Variants in AP4S1 observed in about 807,000 individuals in gnomAD.
The protein encoded by AP4S1 is adaptor related protein complex 4 subunit sigma 1, also known as AP-4 complex subunit sigma-1.
In AP4S1, 23 loss-of-function variants were observed where a neutral mutation model predicts 19.8. The observed-to-expected ratio is 1.16, with a 90% CI of 0.84 to 1.65. The LOEUF (loss-of-function observed/expected upper bound fraction) is 1.65, where lower values mean the gene tolerates loss of function less well. AP4S1 is among the 40% of genes most tolerant of loss of function. The pLI, the probability that AP4S1 is intolerant of heterozygous loss-of-function variation, is 0.00. For synonymous variants in AP4S1, 46 were observed against 54.1 expected (o/e 0.85, Z 0.66); for missense variants, 166 against 172.8 (o/e 0.96, Z 0.22).
chr14:31,025,577 C>T, upstream of AP4S1: 2 of 417,170 alleles, frequency 4.8e-6, no homozygotes, highest in South Asian at 4.8e-5. Flanking sequence ...GACTCTCCCA[C>T]AGAGAGGTGC....
chr14:31,072,812 C>T (rs1293717202), intron 3 of AP4S1, 93 bp from the exon 4 acceptor site: 6 of 1,018,934 alleles, frequency 5.9e-6, no homozygotes, highest in Non-Finnish European at 9.3e-6. Context: ...AAGCCACATG[C>T]TCTAAAACCT....
chr14:31,089,640 C>A (rs577350450), intron 5 of AP4S1, among the ~76,000 whole-genome samples: 1 of 152,176 alleles, frequency 6.6e-6, no homozygotes, highest in East Asian at 1.9e-4. Context: ...TGGGGCCAGG[C>A]GTGGTGGCTC....
chr14:31,037,323 GAGATGTTGTCTGT>G (rs1884841170), intron 1 of AP4S1, among the ~76,000 whole-genome samples: 1 of 152,028 alleles, frequency 6.6e-6, no homozygotes, highest in Admixed American at 6.6e-5. Context: ...GTTTTTGGTA[GAGATGTTGTCTGT>G]AGATGTTTTC....
intron 1 of AP4S1, among the ~76,000 whole-genome samples, chr14:31,065,383 C>T (rs747008202): frequency 6.6e-6 from 1 of 152,210 alleles, no homozygotes; most frequent in Non-Finnish European, 1.5e-5. Context: ...CCCTTCTGTA[C>T]ACCTATGGAA....
At chr14:31,073,195 A>G in intron 4 of AP4S1, 1 of 512,970 alleles carries the variant, frequency 1.9e-6, no homozygotes, top group Non-Finnish European at 3.5e-6. Context: ...GAAAAAAAAA[A>G]AAAAACCTCT....
In AP4S1 at chr14:31,073,256, T is replaced by C. The variant is rs185410290; in HGVS notation, c.294+283T>C. ...CTGTAATCCCAGCACTTTGGGAGGCTAAGGTGGGCAGATCACAAGGTCAGG... is the reference window on the plus strand; with the variant it reads ...CTGTAATCCCAGCACTTTGGGAGGCCAAGGTGGGCAGATCACAAGGTCAGG... On this transcript the variant is annotated intron_variant, in intron 4 of 5. Coordinates refer to ENST00000542754, the MANE Select transcript of AP4S1 (RefSeq NM_001128126.3). 64,653 of 349,042 alleles carry C rather than the reference T, an allele frequency of 0.19. 7,226 individuals carry two copies. The highest frequency in any genetic ancestry group is 0.3 in the South Asian group (11,671 of 39,354). The allele number at this position is 349,042 out of a possible 1,614,324, so 21.6% of individuals were successfully genotyped here. A position where few individuals can be genotyped will look rare whatever the true frequency, so the allele number is the denominator to read the frequency against.
chr14:31,035,887 G>T (rs1044839167), intron 1 of AP4S1, among the ~76,000 whole-genome samples: 11 of 151,892 alleles, frequency 7.2e-5, no homozygotes, highest in African/African-American at 2.4e-4. Context: ...CCCGCCACAA[G>T]GCCCGGCTAA....
At chr14:31,051,537 A>T (rs1025460265) in intron 1 of AP4S1, among the ~76,000 whole-genome samples, 1 of 152,200 alleles carries the variant, frequency 6.6e-6, no homozygotes, top group South Asian at 2.1e-4. Flanking sequence ...AAAAATCTTT[A>T]TCTATTTAGA....
intron 1 of AP4S1, among the ~76,000 whole-genome samples, chr14:31,030,495 A>T (rs1291068079): frequency 6.6e-6 from 1 of 152,140 alleles, no homozygotes; most frequent in Non-Finnish European, 1.5e-5. Context: ...TGTACACAAC[A>T]TCACTCCAGG....
intron 4 of AP4S1, among the ~76,000 whole-genome samples, chr14:31,073,551 GC>G: frequency 6.7e-6 from 1 of 150,172 alleles, no homozygotes; most frequent in East Asian, 1.9e-4. Context: ...TATCTGACTT[GC>G]CCCCTCTTTT....
chr14:31,096,065 T>C lies in AP4S1; in HGVS notation c.*3030T>C, dbSNP rs1242179003. On this transcript the variant is annotated 3_prime_UTR_variant, in exon 6 of 6. Transcript: ENST00000542754. ...GAGATTGTGCCACTGCACTCCAGCCTGGGCACAGAGTGAGATTCCGTCTCA... is the reference window on the plus strand; with the variant it reads ...GAGATTGTGCCACTGCACTCCAGCCCGGGCACAGAGTGAGATTCCGTCTCA... The C allele has an allele frequency of 8.1e-6, 1 of 123,176 alleles. No individual in the cohort carries two copies. Among genetic ancestry groups the C allele is most frequent in the Non-Finnish European group, 1.6e-5 (1 of 63,330 alleles). The allele number at this position is 123,176 out of a possible 1,614,324, so 7.6% of individuals were successfully genotyped here.
intron 1 of AP4S1, among the ~76,000 whole-genome samples, chr14:31,045,905 G>C (rs1241021006): frequency 1.3e-5 from 2 of 151,574 alleles, no homozygotes; most frequent in African/African-American, 4.8e-5. Flanking sequence ...GAGAGGATCA[G>C]AGAGTTGGAA....
chr14:31,044,361 A>T (rs568365194), intron 1 of AP4S1, among the ~76,000 whole-genome samples: 164 of 152,140 alleles, frequency 1.1e-3, no homozygotes, highest in African/African-American at 3.8e-3. Flanking sequence ...TTTTTTTTAA[A>T]GACAGAGTCT....
chr14:31,091,525 C>CTT (rs370922349), intron 5 of AP4S1, among the ~76,000 whole-genome samples: 3 of 141,636 alleles, frequency 2.1e-5, no homozygotes, highest in South Asian at 4.5e-4. Context: ...CAGAATAACG[C>CTT]TTTTTTTTTT....
intron 1 of AP4S1, among the ~76,000 whole-genome samples, chr14:31,063,419 G>T (rs542999309): frequency 6.6e-6 from 1 of 152,214 alleles, no homozygotes; most frequent in African/African-American, 2.4e-5. Flanking sequence ...GGGTGACAGA[G>T]TGAGACTCTG....
chr14:31,075,235 T>C (rs1836536908), intron 4 of AP4S1, among the ~76,000 whole-genome samples: 4 of 152,254 alleles, frequency 2.6e-5, no homozygotes, highest in Admixed American at 2.6e-4. Context: ...TCTATCTTCA[T>C]GATATCTACT....
In AP4S1 at chr14:31,025,664, G is replaced by A. The variant is rs1883806877; in HGVS notation, c.-195G>A. ...CAGACGCCATACTAAAAGCCAAAAT[G>A]GCTGCCCCGAGGAGGCCCGCACCGC... is the stretch of plus-strand genomic sequence containing the variant. On this transcript the variant is annotated 5_prime_UTR_variant, in exon 1 of 6. An upstream start codon of the reference 5' UTR is lost. Coordinates refer to ENST00000542754, the MANE Select transcript of AP4S1 (RefSeq NM_001128126.3). 8 of 613,076 alleles carry A rather than the reference G, an allele frequency of 1.3e-5. No homozygotes were observed. In the Admixed American group the frequency reaches 2.3e-4, roughly 18 times the overall value. 38.0% of individuals were successfully genotyped at this position (613,076 alleles called of 1,614,324 possible). A position where few individuals can be genotyped will look rare whatever the true frequency, so the allele number is the denominator to read the frequency against.
intron 1 of AP4S1, among the ~76,000 whole-genome samples, chr14:31,029,700 C>T (rs1884272707): frequency 6.6e-6 from 1 of 151,974 alleles, no homozygotes; most frequent in Non-Finnish European, 1.5e-5. Context: ...GTCTGTAGTC[C>T]CAGCTACTCT....
chr14:31,038,862 A>G (rs1391902533), intron 1 of AP4S1, among the ~76,000 whole-genome samples: 2 of 152,196 alleles, frequency 1.3e-5, no homozygotes, highest in Admixed American at 6.5e-5. Context: ...GTTGGGTGGT[A>G]TTAGCACATT....
Sources: gnomAD v4.1 joint callset for allele counts (sites outside exome capture counted in the v4.1 genomes callset) on GRCh38, gnomAD v4.1.1 for gene constraint, MANE v1.5 for transcripts, NCBI Gene and HGNC (gene_info 2026-07-23, HGNC 2026-07-21) for gene names.